The following MALRD1 variants were observed in gnomAD, a reference collection of about 807,000 sequenced individuals.
The protein encoded by MALRD1 is MAM and LDL receptor class A domain containing 1.
A neutral mutation model predicts 242.1 loss-of-function variants in MALRD1; 247 were observed. The ratio of observed to expected loss-of-function variants is 1.02; its 90% CI spans 0.92 to 1.13. MALRD1 has a LOEUF of 1.13. Among genes scored for constraint, MALRD1 ranks in the 50% most tolerant of loss-of-function variants. MALRD1 has a pLI of 0.00. For synonymous variants in MALRD1, 995 were observed against 866.6 expected, an observed-to-expected ratio of 1.15 and a Z score of -2.60; for missense variants, 2,989 against 2,533.1, an observed-to-expected ratio of 1.18 and a Z score of -3.86.
chr10:19,096,437 G>A (rs1836037130), intron 4 of MALRD1, among the ~76,000 whole-genome samples: 1 of 152,100 alleles, frequency 6.6e-6, no homozygotes. Context: ...AAAACAGTGT[G>A]TTTACCTTAA....
chr10:19,346,786 G>A (rs1004348074), intron 24 of MALRD1, among the ~76,000 whole-genome samples: 14 of 152,066 alleles, frequency 9.2e-5, no homozygotes, highest in Non-Finnish European at 4.4e-5. Flanking sequence ...AAGTAGCTGG[G>A]ACCACAGATG....
chr10:19,428,655 G>C (rs1399481642), intron 28 of MALRD1, among the ~76,000 whole-genome samples: 1 of 151,372 alleles, frequency 6.6e-6, no homozygotes, highest in Non-Finnish European at 1.5e-5. Context: ...CCCCTATCCA[G>C]AAACTCTTTC....
intron 11 of MALRD1, among the ~76,000 whole-genome samples, chr10:19,152,004 A>G (rs1002543115): frequency 4.6e-5 from 7 of 152,154 alleles, no homozygotes; most frequent in African/African-American, 1.4e-4. Context: ...CCAGTGCATT[A>G]ACAAGGTACC....
At position 19,491,628 on chromosome 10, in the gene MALRD1, C is replaced by A. The variant is rs190097393; in HGVS notation, c.5141C>A (p.Ser1714Tyr). Residue 1714 changes from serine (S) to tyrosine (Y), a missense_variant, in exon 30 of 40, where the codon TCT (serine) becomes TAT (tyrosine). Physicochemically the swap from Ser to Tyr is moderately radical, Grantham distance 144. Transcript: ENST00000454679. ...CDYKPDCSDR[S>Y]DEAHCAHYTS... Reference sequence around the variant, plus strand: ...TATAAGCCAGACTGCTCTGATAGGTCTGATGAAGCTCACTGTGGTAAGTTT... The same window carrying A: ...TATAAGCCAGACTGCTCTGATAGGTATGATGAAGCTCACTGTGGTAAGTTT... The A allele has an allele frequency of 4.2e-4, 650 of 1,549,578 alleles. 8 individuals carry two copies. The East Asian group carries it at 0.015, about 36-fold the overall frequency.
At chr10:19,296,471 T>C (rs1458697555) in intron 21 of MALRD1, among the ~76,000 whole-genome samples, 5 of 152,096 alleles carry the variant, frequency 3.3e-5, no homozygotes, top group African/African-American at 1.2e-4. Flanking sequence ...GTCTTCATCA[T>C]TTTGTGGGGA....
At chr10:19,185,171 C>G (rs984762528) in intron 14 of MALRD1, among the ~76,000 whole-genome samples, 5 of 152,096 alleles carry the variant, frequency 3.3e-5, no homozygotes, top group Non-Finnish European at 4.4e-5. Flanking sequence ...TTTCTCACGC[C>G]TACATTGTAT....
intron 28 of MALRD1, among the ~76,000 whole-genome samples, chr10:19,405,445 T>C (rs1444118313): frequency 6.6e-6 from 1 of 152,158 alleles, no homozygotes; most frequent in African/African-American, 2.4e-5. Flanking sequence ...TATTCTGTTC[T>C]AGTTGCTGCC....
chr10:19,174,169 C>G (rs1588652661), intron 13 of MALRD1, among the ~76,000 whole-genome samples: 1 of 152,176 alleles, frequency 6.6e-6, no homozygotes, highest in East Asian at 1.9e-4. Context: ...TCTTTATGGG[C>G]CTCTCTGTGT....
intron 8 of MALRD1, among the ~76,000 whole-genome samples, chr10:19,131,091 T>TGGG (rs1833085238): frequency 6.6e-6 from 1 of 152,146 alleles, no homozygotes; most frequent in Non-Finnish European, 1.5e-5. Flanking sequence ...TCTATACATA[T>TGGG]GTTGCTCGCT....
intron 36 of MALRD1, among the ~76,000 whole-genome samples, chr10:19,655,663 GA>G (rs1235532912): frequency 6.7e-6 from 1 of 148,466 alleles, no homozygotes; most frequent in African/African-American, 2.5e-5. Flanking sequence ...ACTCATTGTC[GA>G]AAAAAAATAC....
At chr10:19,543,435 T>TTTTTTTTTTTC (rs1589222253) in intron 32 of MALRD1, among the ~76,000 whole-genome samples, 2 of 118,166 alleles carry the variant, frequency 1.7e-5, no homozygotes, top group South Asian at 2.6e-4. Context: ...GCTGATTTCT[T>TTTTTTTTTTTC]TTTTTTTTTT....
intron 24 of MALRD1, among the ~76,000 whole-genome samples, chr10:19,332,174 G>GTTTTT (rs139531488): frequency 7.0e-6 from 1 of 142,874 alleles, no homozygotes. Context: ...TGAAATAAAT[G>GTTTTT]TTGTTTTTTT....
At chr10:19,123,438 A>T in intron 5 of MALRD1, 54 bp from the exon 6 acceptor site, 1 of 1,023,264 alleles carries the variant, frequency 9.8e-7, no homozygotes, top group Non-Finnish European at 1.3e-6. Flanking sequence ...AAAATACTTG[A>T]GTCTTTCCAG....
chr10:19,051,887 A>G (rs1180056364), intron 1 of MALRD1: 3 of 176,528 alleles, frequency 1.7e-5, no homozygotes, highest in Non-Finnish European at 1.1e-5. Context: ...GTGCCACTGC[A>G]CTCCAGCCTG....
chr10:19,048,616 T>C (rs1346716888), upstream of MALRD1, among the ~76,000 whole-genome samples: 1 of 152,226 alleles, frequency 6.6e-6, no homozygotes, highest in Admixed American at 6.5e-5. Flanking sequence ...TGGCCTTTAT[T>C]TTTTACAAAT....
At chr10:19,307,782 C>T (rs1006901499) in intron 21 of MALRD1, among the ~76,000 whole-genome samples, 1 of 151,496 alleles carries the variant, frequency 6.6e-6, no homozygotes, top group Admixed American at 6.6e-5. Flanking sequence ...CTACTGCTGA[C>T]CTTACGCTAA....
intron 31 of MALRD1, among the ~76,000 whole-genome samples, chr10:19,524,046 A>G (rs1009126473): frequency 6.6e-6 from 1 of 152,254 alleles, no homozygotes; most frequent in Non-Finnish European, 1.5e-5. Flanking sequence ...GAATAATGTA[A>G]TGACAGACAT....
At chr10:19,719,240 A>G (rs1488891799) in intron 38 of MALRD1, among the ~76,000 whole-genome samples, 2 of 130,256 alleles carry the variant, frequency 1.5e-5, no homozygotes, top group African/African-American at 2.9e-5. Context: ...ATATATATAT[A>G]TATATATATA....
At chr10:19,417,455 A>T (rs573392037) in intron 28 of MALRD1, among the ~76,000 whole-genome samples, 77 of 152,288 alleles carry the variant, frequency 5.1e-4, no homozygotes, top group Non-Finnish European at 8.2e-4. Flanking sequence ...TTGTTATGAC[A>T]TATACCAGGA....
Sources: gnomAD v4.1 joint callset for allele counts (sites outside exome capture counted in the v4.1 genomes callset) on GRCh38, gnomAD v4.1.1 for gene constraint, MANE v1.5 for transcripts, NCBI Gene and HGNC (gene_info 2026-07-23, HGNC 2026-07-21) for gene names.